The following CDH8 variants were observed in gnomAD, a reference collection of about 807,000 sequenced individuals.
CDH8 encodes cadherin 8.
A neutral mutation model predicts 68.1 loss-of-function variants in CDH8; 17 were observed. The observed-to-expected ratio is 0.25, with a 90% CI of 0.17 to 0.37. The LOEUF (loss-of-function observed/expected upper bound fraction) is 0.37, where lower values mean the gene tolerates loss of function less well. Ranked by LOEUF, CDH8 falls within the 10% of genes least tolerant of loss-of-function variation. CDH8 has a pLI of 1.00. For missense variants in CDH8, 763 were observed against 999.3 expected (o/e 0.76, Z 3.19); for synonymous variants, 372 against 365.1 (o/e 1.02, Z -0.21).
At chr16:61,730,293 A>C (rs191709653) in intron 8 of CDH8, among the ~76,000 whole-genome samples, 6 of 151,574 alleles carry the variant, frequency 4.0e-5, no homozygotes, top group Non-Finnish European at 5.9e-5. Context: ...TTATTTATCT[A>C]TCCCTGGGGC....
At chr16:61,907,858 C>T (rs991456515) in intron 2 of CDH8, among the ~76,000 whole-genome samples, 1 of 151,842 alleles carries the variant, frequency 6.6e-6, no homozygotes, top group East Asian at 2.0e-4. Flanking sequence ...TCCTGGCTAA[C>T]ACGGTGAAAC....
chr16:61,881,614 T>G (rs960986622), intron 3 of CDH8, among the ~76,000 whole-genome samples: 1 of 152,228 alleles, frequency 6.6e-6, no homozygotes, highest in Non-Finnish European at 1.5e-5. Flanking sequence ...CAGGATAAAC[T>G]ATGACACATA....
At chr16:61,829,902 A>G (rs187877100) in intron 4 of CDH8, among the ~76,000 whole-genome samples, 67 of 151,968 alleles carry the variant, frequency 4.4e-4, no homozygotes, top group Non-Finnish European at 1.3e-4. Context: ...TGTAGCTGGA[A>G]AGGCAGGATA....
At chr16:61,694,125 C>A (rs1411651268) in intron 10 of CDH8, among the ~76,000 whole-genome samples, 1 of 152,140 alleles carries the variant, frequency 6.6e-6, no homozygotes, top group African/African-American at 2.4e-5. Flanking sequence ...CGATCATAAT[C>A]TAAAATTGAC....
intron 8 of CDH8, among the ~76,000 whole-genome samples, chr16:61,779,912 G>C (rs1001230362): frequency 6.6e-6 from 1 of 152,154 alleles, no homozygotes; most frequent in African/African-American, 2.4e-5. Context: ...AGAAGATAAA[G>C]AGGAAAGAAG....
At chr16:61,737,448 A>G (rs1205599703) in intron 8 of CDH8, among the ~76,000 whole-genome samples, 1 of 152,144 alleles carries the variant, frequency 6.6e-6, no homozygotes, top group East Asian at 1.9e-4. Flanking sequence ...TGAATTGAAT[A>G]TATCATGGAA....
At chr16:61,879,946 G>A (rs920193270) in intron 3 of CDH8, among the ~76,000 whole-genome samples, 2 of 151,590 alleles carry the variant, frequency 1.3e-5, no homozygotes, top group Admixed American at 1.3e-4. Flanking sequence ...TTTTTTTTGA[G>A]ACAGAGTCTT....
At chr16:61,933,631 T>C (rs984158379) in intron 2 of CDH8, among the ~76,000 whole-genome samples, 3 of 152,174 alleles carry the variant, frequency 2.0e-5, no homozygotes, top group Non-Finnish European at 4.4e-5. Context: ...GACAGTGAGA[T>C]TGAAGACATA....
At chr16:61,720,166 C>G (rs1266016699) in intron 9 of CDH8, among the ~76,000 whole-genome samples, 1 of 150,936 alleles carries the variant, frequency 6.6e-6, no homozygotes, top group Non-Finnish European at 1.5e-5. Flanking sequence ...TGTGTATCTA[C>G]ATAGCTTAAT....
chr16:61,924,937 G>A (rs1008499377), intron 2 of CDH8, among the ~76,000 whole-genome samples: 1 of 152,174 alleles, frequency 6.6e-6, no homozygotes, highest in Admixed American at 6.5e-5. Context: ...TTCTGAGAAT[G>A]AGATGCAGTT....
chr16:62,019,323 A>G (rs1162196008), intron 2 of CDH8, among the ~76,000 whole-genome samples: 1 of 152,190 alleles, frequency 6.6e-6, no homozygotes, highest in Non-Finnish European at 1.5e-5. Flanking sequence ...AATAATGGCC[A>G]CTGGCATTTC....
At chr16:61,872,679 C>A (rs1345202763) in intron 3 of CDH8, among the ~76,000 whole-genome samples, 1 of 152,184 alleles carries the variant, frequency 6.6e-6, no homozygotes, top group East Asian at 1.9e-4. Context: ...TCCTGTCCAG[C>A]TCCCCATTCC....
At chr16:61,807,763 C>T (rs182189949) in intron 7 of CDH8, among the ~76,000 whole-genome samples, 177 of 152,256 alleles carry the variant, frequency 1.2e-3, no homozygotes, top group African/African-American at 3.8e-3. Context: ...TTTGGCATGA[C>T]GTAGTACTCC....
chr16:61,659,957 G>A (rs1181101006), intron 10 of CDH8, among the ~76,000 whole-genome samples: 2 of 152,122 alleles, frequency 1.3e-5, no homozygotes, highest in Non-Finnish European at 2.9e-5. Context: ...AATCCTGTTG[G>A]AAATTAGTGG....
chr16:61,939,586 G>T (rs1001730573), intron 2 of CDH8, among the ~76,000 whole-genome samples: 2 of 152,062 alleles, frequency 1.3e-5, no homozygotes, highest in Admixed American at 6.6e-5. Context: ...AACATAATTT[G>T]TCTATAACCT....
At chr16:61,972,571 GGTGTGTGT>G (rs1555525996) in intron 2 of CDH8, among the ~76,000 whole-genome samples, 2 of 131,550 alleles carry the variant, frequency 1.5e-5, no homozygotes, top group East Asian at 2.1e-4. Flanking sequence ...ACACATTGTG[GGTGTGTGT>G]GTGTGTGTGT....
intron 3 of CDH8, among the ~76,000 whole-genome samples, chr16:61,865,145 G>T (rs748872257): frequency 4.0e-4 from 61 of 152,144 alleles, no homozygotes; most frequent in Non-Finnish European, 6.8e-4. Flanking sequence ...TTTATTATGG[G>T]AATGGAGACA....
chr16:61,856,981 C>T (rs1224215898), intron 4 of CDH8, 138 bp downstream of exon 4: 2 of 977,430 alleles, frequency 2.0e-6, no homozygotes, highest in Admixed American at 4.0e-5. Context: ...TCACTGTGTA[C>T]CTCATGTCGC....
intron 10 of CDH8, among the ~76,000 whole-genome samples, chr16:61,675,396 C>T (rs1021224411): frequency 7.4e-6 from 1 of 135,364 alleles, no homozygotes; most frequent in African/African-American, 2.8e-5. Flanking sequence ...GGGAATTGAA[C>T]AATGAGATCA....
Sources: gnomAD v4.1 joint callset for allele counts (sites outside exome capture counted in the v4.1 genomes callset) on GRCh38, gnomAD v4.1.1 for gene constraint, MANE v1.5 for transcripts, NCBI Gene and HGNC (gene_info 2026-07-23, HGNC 2026-07-21) for gene names.